Variants in CNTLN observed in about 807,000 individuals in gnomAD.
CNTLN encodes centlein.
Under a neutral mutation model 180.0 loss-of-function variants are expected in CNTLN, and 212 were observed. The observed-to-expected ratio is 1.18, with a 90% CI of 1.05 to 1.32. The LOEUF (loss-of-function observed/expected upper bound fraction) is 1.32, where lower values mean the gene tolerates loss of function less well. Ranked by LOEUF, CNTLN falls within the 40% of genes most tolerant of loss-of-function variation. CNTLN has a pLI of 0.00. For missense variants in CNTLN, 2,095 were observed against 1,610.9 expected (o/e 1.30, Z -5.14); for synonymous variants, 722 against 563.1 (o/e 1.28, Z -3.99).
At chr9:17,218,525 T>C (rs1455137647) in intron 2 of CNTLN, among the ~76,000 whole-genome samples, 1 of 152,152 alleles carries the variant, frequency 6.6e-6, no homozygotes, top group Non-Finnish European at 1.5e-5. Flanking sequence ...AATTTGATGA[T>C]GGCATAACTT....
At chr9:17,342,218 T>G (rs561641209) in intron 11 of CNTLN, 107 bp from the exon 12 acceptor site, 2 of 1,090,824 alleles carry the variant, frequency 1.8e-6, no homozygotes, top group East Asian at 5.3e-5. Flanking sequence ...TGAACTCGAG[T>G]TAGAAATTTG....
chr9:17,148,470 C>T (rs1261405778), intron 2 of CNTLN, among the ~76,000 whole-genome samples: 2 of 152,138 alleles, frequency 1.3e-5, no homozygotes, highest in African/African-American at 2.4e-5. Context: ...TCATTGACGT[C>T]GAACTCTTGG....
intron 20 of CNTLN, among the ~76,000 whole-genome samples, chr9:17,464,222 A>T (rs957316959): frequency 1.3e-5 from 2 of 151,298 alleles, no homozygotes; most frequent in Non-Finnish European, 3.0e-5. Context: ...CTAAGTTTTC[A>T]TAAGTGTTAT....
intron 2 of CNTLN, chr9:17,167,916 A>G (rs1332121387): frequency 2.0e-5 from 3 of 151,866 alleles, no homozygotes; most frequent in African/African-American, 2.4e-5. Context: ...CCCTGAGGAA[A>G]ACTCACAGAG....
At chr9:17,251,769 C>T (rs1287898940) in intron 5 of CNTLN, among the ~76,000 whole-genome samples, 1 of 151,744 alleles carries the variant, frequency 6.6e-6, no homozygotes, top group Non-Finnish European at 1.5e-5. Context: ...TCAGTTGCTT[C>T]GAAATACATG....
intron 2 of CNTLN, among the ~76,000 whole-genome samples, chr9:17,174,461 C>T (rs950870035): frequency 3.9e-5 from 6 of 152,020 alleles, no homozygotes; most frequent in Admixed American, 3.3e-4. Flanking sequence ...TTTGGGAGGC[C>T]GAGGTGGGTG....
chr9:17,407,071 A>G (rs1157486478), intron 15 of CNTLN, among the ~76,000 whole-genome samples: 3 of 152,262 alleles, frequency 2.0e-5, no homozygotes, highest in Admixed American at 6.5e-5. Context: ...CAAATAGATT[A>G]TAGTATTCTG....
At chr9:17,151,328 C>T (rs188521155) in intron 2 of CNTLN, among the ~76,000 whole-genome samples, 1 of 152,164 alleles carries the variant, frequency 6.6e-6, no homozygotes, top group Admixed American at 6.5e-5. Flanking sequence ...CCCATTGATA[C>T]CTAGTTTATT....
intron 2 of CNTLN, among the ~76,000 whole-genome samples, chr9:17,198,158 A>G (rs546427006): frequency 4.6e-5 from 7 of 152,272 alleles, no homozygotes; most frequent in African/African-American, 1.7e-4. Flanking sequence ...ATTTGAAATC[A>G]GGTAATATGA....
chr9:17,313,928 C>T (rs10963026), intron 8 of CNTLN, among the ~76,000 whole-genome samples: 85,377 of 151,982 alleles, frequency 0.56, 24,622 homozygotes, highest in East Asian at 0.73. Context: ...TTCCAAGTGG[C>T]ATTCAGCACA....
chr9:17,251,602 T>TC (rs926733790), intron 5 of CNTLN, among the ~76,000 whole-genome samples: 23 of 152,036 alleles, frequency 1.5e-4, no homozygotes, highest in Admixed American at 8.5e-4. Context: ...TTCCTTTTTT[T>TC]CCCTTTCATT....
chr9:17,136,336 T>C (rs1817714370), intron 1 of CNTLN, among the ~76,000 whole-genome samples: 1 of 152,146 alleles, frequency 6.6e-6, no homozygotes, highest in Non-Finnish European at 1.5e-5. Context: ...ATCATCAGTT[T>C]AATAAAACAG....
chr9:17,243,760 T>C (rs1485932306), intron 5 of CNTLN, among the ~76,000 whole-genome samples: 1 of 152,200 alleles, frequency 6.6e-6, no homozygotes, highest in East Asian at 1.9e-4. Context: ...AGCTACATGC[T>C]GAGGAAAGGA....
chr9:17,483,693 G>C (rs569378202), intron 23 of CNTLN, among the ~76,000 whole-genome samples: 24 of 152,258 alleles, frequency 1.6e-4, no homozygotes, highest in Admixed American at 1.2e-3. Flanking sequence ...CAACTTAAAG[G>C]CTTGTGAAGT....
rs78578497 is a variant in CNTLN, at chr9:17,396,210, G to T, written c.2615+1141G>T. On this transcript the variant is annotated intron_variant, in intron 15 of 25. Transcript: ENST00000380647. ...AAATGGGCAACCAGCACCCCTCAGG[G>T]CTACTCTGTCTATGGAATAGCCATT... is the stretch of plus-strand genomic sequence containing the variant. Among the ~76,000 whole-genome samples, 3,228 of 152,210 alleles carry T rather than the reference G, an allele frequency of 0.021. 182 individuals carry two copies. The East Asian group carries it at 0.24, about 11-fold the overall frequency.
rs2131430749 is a variant in CNTLN at position 17,142,363 on chromosome 9, A to C, written c.361-925A>C. Among the ~76,000 whole-genome samples the C allele has an allele frequency of 2.0e-5, 3 of 152,298 alleles. No homozygotes were observed. The East Asian group carries it at 5.8e-4, about 29-fold the overall frequency. ...CAGGGAAGCCAAAAGATTGGACACC[A>C]CTGTTTTAGATCTTTGAATAAATGA... On this transcript the variant is annotated intron_variant, in intron 1 of 25. Transcript: ENST00000380647.
At chr9:17,389,474 A>C (rs1337134702) in intron 14 of CNTLN, among the ~76,000 whole-genome samples, 1 of 152,158 alleles carries the variant, frequency 6.6e-6, no homozygotes, top group Non-Finnish European at 1.5e-5. Context: ...ATTTCATTCC[A>C]TCTGCCATAA....
chr9:17,489,876 A>G (rs971313149), intron 25 of CNTLN, among the ~76,000 whole-genome samples: 2 of 152,160 alleles, frequency 1.3e-5, no homozygotes, highest in African/African-American at 4.8e-5. Flanking sequence ...AACCACACTG[A>G]AAAAATCTTA....
intron 6 of CNTLN, among the ~76,000 whole-genome samples, chr9:17,294,086 C>T (rs1306687457): frequency 1.3e-5 from 2 of 152,132 alleles, no homozygotes; most frequent in African/African-American, 4.8e-5. Context: ...TTTCTTCCTT[C>T]TGGTGGATTC....
Sources: allele counts gnomAD v4.1 joint callset (sites outside exome capture counted in the v4.1 genomes callset), GRCh38; gene constraint gnomAD v4.1.1; transcripts MANE v1.5; gene names NCBI Gene and HGNC (gene_info 2026-07-23, HGNC 2026-07-21).